The following GALK2 variants were observed in gnomAD, a reference collection of about 807,000 sequenced individuals.
The protein encoded by GALK2 is galactokinase 2.
In GALK2, 36 loss-of-function variants were observed where a neutral mutation model predicts 52.4. The observed-to-expected ratio is 0.69, with a 90% CI of 0.53 to 0.91. The LOEUF (loss-of-function observed/expected upper bound fraction) is 0.91, where lower values mean the gene tolerates loss of function less well. Ranked by LOEUF, GALK2 falls within the 40% of genes least tolerant of loss-of-function variation. The pLI, the probability that GALK2 is intolerant of heterozygous loss-of-function variation, is 0.00. For missense variants in GALK2, 579 were observed against 559.1 expected, an observed-to-expected ratio of 1.04 and a Z score of -0.36; for synonymous variants, 176 against 199.1, an observed-to-expected ratio of 0.88 and a Z score of 0.98.
At chr15:49,161,629 A>C (rs543484664) in intron 1 of GALK2, 1 of 152,406 alleles carries the variant, frequency 6.6e-6, no homozygotes, top group South Asian at 2.1e-4. Context: ...TTTTCATAAA[A>C]TGGCATTATT....
At chr15:49,354,739 C>A (rs1020905593) in intron 3 of GALK2, among the ~76,000 whole-genome samples, 3 of 152,150 alleles carry the variant, frequency 2.0e-5, no homozygotes, top group African/African-American at 7.2e-5. Flanking sequence ...GAGCCCACCA[C>A]AGCTCAAGGA....
intron 2 of GALK2, among the ~76,000 whole-genome samples, chr15:49,203,934 A>G (rs2088018828): frequency 1.3e-5 from 2 of 152,140 alleles, no homozygotes; most frequent in East Asian, 1.9e-4. Context: ...GGCCAACATC[A>G]TGAAACCTCG....
chr15:49,293,520 A>G (rs1265582800), intron 8 of GALK2, among the ~76,000 whole-genome samples: 1 of 152,246 alleles, frequency 6.6e-6, no homozygotes, highest in East Asian at 1.9e-4. Context: ...CTGCCTTTGC[A>G]CTATAAGAGT....
intron 8 of GALK2, among the ~76,000 whole-genome samples, chr15:49,310,951 A>G (rs1318214321): frequency 6.6e-6 from 1 of 152,270 alleles, no homozygotes; most frequent in African/African-American, 2.4e-5. Context: ...TGTCTTACGC[A>G]TAAGTTCTTT....
upstream of GALK2, chr15:49,169,207 G>A (rs1053576067): frequency 3.3e-5 from 5 of 151,458 alleles, no homozygotes; most frequent in African/African-American, 1.2e-4. Flanking sequence ...ACAACTTATC[G>A]AATCTCTCTG....
intron 3 of GALK2, among the ~76,000 whole-genome samples, chr15:49,347,417 TC>T (rs1433543858): frequency 8.5e-5 from 13 of 152,208 alleles, no homozygotes; most frequent in African/African-American, 3.1e-4. Flanking sequence ...GCTTCTCCTT[TC>T]TACTATAGCA....
exon 1 of GALK2, chr15:49,155,969 A>G: frequency 6.2e-7 from 1 of 1,613,792 alleles, no homozygotes; most frequent in Non-Finnish European, 8.5e-7. Context: ...GCTTAGGACC[A>G]GAAGCCTTTC....
chr15:49,332,932 GTCT>G (rs2039061222), downstream of GALK2, among the ~76,000 whole-genome samples: 1 of 152,016 alleles, frequency 6.6e-6, no homozygotes, highest in African/African-American at 2.4e-5. Context: ...TGCTTGTTTT[GTCT>G]TCTCAAGCTG....
At chr15:49,166,155 T>G (rs897823881), upstream of GALK2, among the ~76,000 whole-genome samples, 2 of 152,154 alleles carry the variant, frequency 1.3e-5, no homozygotes, top group Non-Finnish European at 2.9e-5. Context: ...GACCACACTT[T>G]GAGTAGAAAA....
At chr15:49,338,792 T>C (rs1567099839) in intron 3 of GALK2, among the ~76,000 whole-genome samples, 2 of 152,350 alleles carry the variant, frequency 1.3e-5, no homozygotes, top group East Asian at 1.9e-4. Flanking sequence ...TCTTTTCACA[T>C]AGTCCCATAT....
intron 1 of GALK2, among the ~76,000 whole-genome samples, chr15:49,190,779 G>A (rs2086672624): frequency 6.6e-6 from 1 of 152,138 alleles, no homozygotes; most frequent in South Asian, 2.1e-4. Flanking sequence ...AACTGTGTTC[G>A]AATAAGGCAA....
At chr15:49,272,255 T>C (rs2030788345) in intron 5 of GALK2, among the ~76,000 whole-genome samples, 1 of 152,194 alleles carries the variant, frequency 6.6e-6, no homozygotes, top group South Asian at 2.1e-4. Context: ...TGGGTTGTTT[T>C]GTAAATTAAA....
At chr15:49,314,213 C>T (rs1202828854) in intron 8 of GALK2, among the ~76,000 whole-genome samples, 1 of 152,068 alleles carries the variant, frequency 6.6e-6, no homozygotes, top group East Asian at 1.9e-4. Flanking sequence ...ACAAAGATTG[C>T]CTAAAAGAAA....
intron 8 of GALK2, chr15:49,319,135 G>A (rs757337084): frequency 1.1e-4 from 41 of 362,714 alleles, no homozygotes; most frequent in Non-Finnish European, 2.1e-4. Flanking sequence ...TGTACTTTTA[G>A]TAGAGATGGG....
chr15:49,319,499 T>G, intron 8 of GALK2, 105 bp from the exon 9 acceptor site: 1 of 886,998 alleles, frequency 1.1e-6, no homozygotes, highest in Non-Finnish European at 1.7e-6. Flanking sequence ...TTTAAGATAC[T>G]GATAATGAAA....
intron 3 of GALK2, among the ~76,000 whole-genome samples, chr15:49,358,821 T>C (rs1490683479): frequency 2.6e-5 from 4 of 152,042 alleles, no homozygotes; most frequent in Non-Finnish European, 5.9e-5. Context: ...GACATCACAC[T>C]ACCTGACTTC....
chr15:49,306,033 C>T (rs2035518075), intron 8 of GALK2, among the ~76,000 whole-genome samples: 1 of 152,160 alleles, frequency 6.6e-6, no homozygotes, highest in Non-Finnish European at 1.5e-5. Context: ...CTTAATGCTG[C>T]ACTGCATTTT....
At chr15:49,336,678 T>A (rs1467973229), downstream of GALK2, among the ~76,000 whole-genome samples, 1 of 152,216 alleles carries the variant, frequency 6.6e-6, no homozygotes, top group East Asian at 1.9e-4. Flanking sequence ...TTATTTATTT[T>A]TCCCTTGGTA....
intron 5 of GALK2, among the ~76,000 whole-genome samples, chr15:49,264,032 C>A (rs2092253680): frequency 6.6e-6 from 1 of 151,860 alleles, no homozygotes; most frequent in African/African-American, 2.4e-5. Flanking sequence ...TTTGGTGAAT[C>A]TGACAATTAT....
Sources: allele counts gnomAD v4.1 joint callset (sites outside exome capture counted in the v4.1 genomes callset), GRCh38; gene constraint gnomAD v4.1.1; transcripts MANE v1.5; gene names NCBI Gene and HGNC (gene_info 2026-07-23, HGNC 2026-07-21).